The following CWC27 variants were observed in gnomAD, a reference collection of about 807,000 sequenced individuals.
The protein encoded by CWC27 is CWC27 spliceosome associated cyclophilin.
A neutral mutation model predicts 63.6 loss-of-function variants in CWC27; 47 were observed. The ratio of observed to expected loss-of-function variants is 0.74; its 90% CI spans 0.58 to 0.94. The LOEUF (loss-of-function observed/expected upper bound fraction) is 0.94. CWC27 is among the 40% of genes least tolerant of loss of function. The probability of loss-of-function intolerance (pLI) is 0.00; values close to 1 mark genes in which losing one functional copy is unlikely to be tolerated. For synonymous variants in CWC27, 175 were observed against 179.8 expected, an observed-to-expected ratio of 0.97 and a Z score of 0.22; for missense variants, 495 against 554.3, an observed-to-expected ratio of 0.89 and a Z score of 1.07.
chr5:64,842,771 T>G (rs1002007924), intron 10 of CWC27, among the ~76,000 whole-genome samples: 3 of 152,080 alleles, frequency 2.0e-5, no homozygotes, highest in Non-Finnish European at 4.4e-5. Context: ...CGGCTTATTT[T>G]TTGTATTTTA....
intron 10 of CWC27, among the ~76,000 whole-genome samples, chr5:64,869,643 C>T (rs1004361580): frequency 3.9e-4 from 59 of 152,102 alleles, no homozygotes; most frequent in African/African-American, 1.4e-3. Flanking sequence ...CAGCTAAATG[C>T]CAATTAGGGT....
chr5:65,015,908 T>TGCTCCTGTC (rs1383057629), intron 13 of CWC27, among the ~76,000 whole-genome samples: 2 of 152,206 alleles, frequency 1.3e-5, no homozygotes, highest in African/African-American at 4.8e-5. Flanking sequence ...GCATATTCAC[T>TGCTCCTGTC]GGAGCCAGTC....
chr5:64,901,172 G>A (rs531329202), intron 11 of CWC27, among the ~76,000 whole-genome samples: 16 of 152,212 alleles, frequency 1.1e-4, no homozygotes, highest in South Asian at 2.1e-4. Flanking sequence ...CATTGCAGGC[G>A]ATTGTAATAC....
chr5:64,909,852 T>C (rs1747746651), intron 11 of CWC27, among the ~76,000 whole-genome samples: 1 of 152,186 alleles, frequency 6.6e-6, no homozygotes, highest in Admixed American at 6.5e-5. Context: ...GGTTTTTAGC[T>C]TCCTTGCAAT....
At chr5:64,963,676 T>C (rs189006606) in intron 11 of CWC27, among the ~76,000 whole-genome samples, 20 of 152,342 alleles carry the variant, frequency 1.3e-4, no homozygotes, top group Non-Finnish European at 2.8e-4. Flanking sequence ...AGTTACAGTT[T>C]CCATGCAGTC....
At chr5:64,805,555 A>AT (rs957688063) in intron 10 of CWC27, among the ~76,000 whole-genome samples, 5 of 151,840 alleles carry the variant, frequency 3.3e-5, no homozygotes, top group African/African-American at 1.2e-4. Context: ...ATTTTAAAAA[A>AT]TTATGAATTT....
At chr5:64,901,607 G>T (rs904065156) in intron 11 of CWC27, among the ~76,000 whole-genome samples, 2 of 152,134 alleles carry the variant, frequency 1.3e-5, no homozygotes, top group African/African-American at 4.8e-5. Flanking sequence ...TTACACTGCT[G>T]TAGGATTTAT....
chr5:64,992,228 C>A (rs1749548885), intron 13 of CWC27, among the ~76,000 whole-genome samples: 1 of 152,206 alleles, frequency 6.6e-6, no homozygotes, highest in South Asian at 2.1e-4. Flanking sequence ...ACAGATCCTT[C>A]AGATAATTAG....
chr5:64,851,255 C>T (rs1449462667), intron 10 of CWC27, among the ~76,000 whole-genome samples: 1 of 152,110 alleles, frequency 6.6e-6, no homozygotes, highest in Non-Finnish European at 1.5e-5. Flanking sequence ...CTGGCAACAT[C>T]GATGGAACTG....
rs538214975 is a variant in CWC27, at chr5:64,851,458, G to A, written c.939-33985G>A. Among the ~76,000 whole-genome samples, 28 of 152,266 alleles carry A rather than the reference G, an allele frequency of 1.8e-4. No homozygotes were observed. In the South Asian group the frequency reaches 4.1e-3, roughly 23 times the overall value. On this transcript the variant is annotated intron_variant, in intron 10 of 13. Coordinates refer to ENST00000381070, the MANE Select transcript of CWC27 (RefSeq NM_005869.4). ...ATCATACAGGAGTGATATGTTGTTG[G>A]TTTGTTTTTTAGTTCTATTGCACAG...
intron 10 of CWC27, among the ~76,000 whole-genome samples, chr5:64,846,923 G>A (rs902975389): frequency 1.3e-5 from 2 of 150,918 alleles, no homozygotes; most frequent in Non-Finnish European, 2.9e-5. Flanking sequence ...GAATCCAGGA[G>A]GTGGAGGTTG....
chr5:64,863,406 T>G (rs1338645514), intron 10 of CWC27, among the ~76,000 whole-genome samples: 3 of 151,964 alleles, frequency 2.0e-5, no homozygotes, highest in Non-Finnish European at 4.4e-5. Flanking sequence ...TCTCCTCCTC[T>G]GTTCTCCCCT....
intron 13 of CWC27, among the ~76,000 whole-genome samples, chr5:64,984,612 G>A (rs1167481768): frequency 6.6e-6 from 1 of 152,176 alleles, no homozygotes; most frequent in African/African-American, 2.4e-5. Context: ...TGGATGAAAT[G>A]TCTGTTCAAG....
At position 64,829,505 on chromosome 5, in the gene CWC27, A is replaced by T. The variant is rs375774255; in HGVS notation, c.938+25119A>T. Among the ~76,000 whole-genome samples, 28 of 152,266 alleles carry T rather than the reference A, an allele frequency of 1.8e-4. No homozygotes were observed. In the South Asian group the frequency reaches 5.4e-3, roughly 29 times the overall value. Reference sequence around the variant, plus strand: ...TTTGTATACATATACAAATGTGTGTATATATGTAAAATACATGGAATACCG... The same window carrying T: ...TTTGTATACATATACAAATGTGTGTTTATATGTAAAATACATGGAATACCG... On this transcript the variant is annotated intron_variant, in intron 10 of 13. Coordinates refer to ENST00000381070, the MANE Select transcript of CWC27 (RefSeq NM_005869.4).
At position 64,947,834 on chromosome 5, in the gene CWC27, G is replaced by A. The variant is rs115658267; in HGVS notation, c.1043-23869G>A. ...TAGGGAGAGCCTTATATATCATTTT[G>A]TTCCAAAGGATAGATGTTCATTTTG... is the stretch of plus-strand genomic sequence containing the variant. On this transcript the variant is annotated intron_variant, in intron 11 of 13. Transcript: ENST00000381070. 2.4e-3 allele frequency among the ~76,000 whole-genome samples: 371 copies of A among 152,090 alleles called. 1 individual carries two copies. Among genetic ancestry groups the A allele is most frequent in the Middle Eastern group, 6.8e-3 (2 of 294 alleles).
chr5:64,966,253 G>GT (rs771384882), intron 11 of CWC27, among the ~76,000 whole-genome samples: 3 of 152,004 alleles, frequency 2.0e-5, no homozygotes, highest in African/African-American at 4.8e-5. Flanking sequence ...TGAAAGAAAT[G>GT]TATTTGTATG....
intron 11 of CWC27, among the ~76,000 whole-genome samples, chr5:64,888,197 A>G (rs1747122835): frequency 6.6e-6 from 1 of 151,612 alleles, no homozygotes. Flanking sequence ...AAGGGCACAC[A>G]AGCTAACCTG....
At position 64,781,959 on chromosome 5, in the gene CWC27, G is replaced by A; in HGVS notation, c.178G>A (p.Gly60Ser). 1 of 1,600,636 alleles carries A rather than the reference G, an allele frequency of 6.2e-7. No homozygotes were observed. The highest frequency in any genetic ancestry group is 8.5e-7 in the Non-Finnish European group (1 of 1,170,854). The change falls in exon 3 of 14, where the codon GGT (glycine) becomes AGT (serine). Residue 60 changes from glycine (G) to serine (S), a missense_variant. Coordinates refer to ENST00000381070, the MANE Select transcript of CWC27 (RefSeq NM_005869.4). ...TACCATTTTTCATAGAGTTGTGCCT[G>A]GTTTCATAGTCCAAGGCGGAGATCC... Reference protein sequence around the residue: ...DNTIFHRVVPGFIVQGGDPTG... With the variant: ...DNTIFHRVVPSFIVQGGDPTG...
At chr5:64,823,279 T>C (rs1256504325) in intron 10 of CWC27, among the ~76,000 whole-genome samples, 1 of 152,196 alleles carries the variant, frequency 6.6e-6, no homozygotes, top group Non-Finnish European at 1.5e-5. Context: ...TTAACAACCA[T>C]AGAGCAGCTC....
Sources: allele counts gnomAD v4.1 joint callset (sites outside exome capture counted in the v4.1 genomes callset), GRCh38; gene constraint gnomAD v4.1.1; transcripts MANE v1.5; gene names NCBI Gene and HGNC (gene_info 2026-07-23, HGNC 2026-07-21).